Variants in XKR6 observed in about 807,000 individuals in gnomAD.
XKR6 encodes the protein XK related 6, also known as XK-related protein 6.
XKR6 carries 22 observed loss-of-function variants against 56.7 expected under a neutral mutation model. That is an observed-to-expected ratio of 0.39 (90% CI 0.28 to 0.55). The LOEUF is 0.55. XKR6 is among the 20% of genes least tolerant of loss of function. The pLI is 0.66. For missense variants in XKR6, 852 were observed against 889.0 expected (o/e 0.96, Z 0.53); for synonymous variants, 524 against 387.8 (o/e 1.35, Z -4.13).
intron 1 of XKR6, among the ~76,000 whole-genome samples, chr8:11,169,021 A>C (rs1436641810): frequency 6.6e-6 from 1 of 152,152 alleles, no homozygotes; most frequent in African/African-American, 2.4e-5. Flanking sequence ...GACTGGTCCC[A>C]GGACAAGGTC....
chr8:11,187,807 G>A (rs1803354660), intron 1 of XKR6, among the ~76,000 whole-genome samples: 1 of 152,140 alleles, frequency 6.6e-6, no homozygotes. Context: ...AGTGAAACTG[G>A]CCTGCAGAAT....
At position 11,165,090 on chromosome 8, in the gene XKR6, C is replaced by CAT. The variant is rs762270947; in HGVS notation, c.764+35485_764+35486insAT. On this transcript the variant is annotated intron_variant, in intron 1 of 2. Coordinates refer to ENST00000416569, the MANE Select transcript of XKR6 (RefSeq NM_173683.4). Reference sequence around the variant, plus strand: ...ACACAACCATTCCCTAGGCTATCACCTTTTTTTTTTTTTTTTTTTTTTTTT... The same window carrying CAT: ...ACACAACCATTCCCTAGGCTATCACCATTTTTTTTTTTTTTTTTTTTTTTTTT... Among the ~76,000 whole-genome samples the CAT allele has an allele frequency of 6.9e-4, 57 of 82,512 alleles. 1 individual carries two copies. The highest frequency in any genetic ancestry group is 2.2e-3 in the African/African-American group (42 of 19,338). 54.1% of individuals were successfully genotyped at this position (82,512 alleles called of 152,430 possible). A position where few individuals can be genotyped will look rare whatever the true frequency, so the allele number is the denominator to read the frequency against.
intron 1 of XKR6, among the ~76,000 whole-genome samples, chr8:11,044,380 G>A (rs1799356880): frequency 6.6e-6 from 1 of 152,068 alleles, no homozygotes; most frequent in South Asian, 2.1e-4. Context: ...AACCCCTTCA[G>A]CAAAAAAGTC....
intron 1 of XKR6, among the ~76,000 whole-genome samples, chr8:10,995,745 T>A (rs1331911183): frequency 1.3e-5 from 2 of 149,126 alleles, no homozygotes; most frequent in Non-Finnish European, 3.0e-5. Context: ...GAACTAGAAA[T>A]CAGGAAAGCT....
At position 11,200,749 on chromosome 8, in the gene XKR6, C is replaced by T; in HGVS notation, c.591G>A (p.Glu197=). 6.3e-7 allele frequency: 1 copy of T among 1,596,862 alleles called. No homozygotes were observed. Among genetic ancestry groups the T allele is most frequent in the Non-Finnish European group, 8.5e-7 (1 of 1,173,890 alleles). ...TGGGGGGGCCCCGGCTGGTGAGCCC[C>T]TCCACGGCGCCCAGCCCGCCGCCCG... The part of the protein sequence containing the change: ...DYTGGGLGAV[E]GLTSRGPPMM... Residue 197 remains glutamate (E), a synonymous_variant, in exon 1 of 3, where the codon GAG becomes GAA. Coordinates refer to ENST00000416569, the MANE Select transcript of XKR6 (RefSeq NM_173683.4). The surrounding 1 kb of genome is among the most constrained non-coding windows in gnomAD (Gnocchi z 6.4).
chr8:10,899,399 G>A (rs1002326784), intron 2 of XKR6, among the ~76,000 whole-genome samples: 2 of 152,218 alleles, frequency 1.3e-5, no homozygotes, highest in Admixed American at 1.3e-4. Flanking sequence ...TCTCCTCTGA[G>A]GTGCTGGAAT....
rs573341220 is a variant in XKR6, at chr8:10,984,697, T to G, written c.765-59867A>C. On this transcript the variant is annotated intron_variant, in intron 1 of 2. Coordinates refer to ENST00000416569, the MANE Select transcript of XKR6 (RefSeq NM_173683.4). ...TAACACAAAAGATAAAATACATGGCTCTCTCTCTCTCTCTCTCTCTCTCTC... is the reference window on the plus strand; with the variant it reads ...TAACACAAAAGATAAAATACATGGCGCTCTCTCTCTCTCTCTCTCTCTCTC... Among the ~76,000 whole-genome samples, 8 of 33,706 alleles carry G rather than the reference T, an allele frequency of 2.4e-4. No individual in the cohort carries two copies. The South Asian group carries it at 4.3e-3, about 18-fold the overall frequency. The allele number at this position is 33,706 out of a possible 152,430, so 22.1% of individuals were successfully genotyped here.
intron 1 of XKR6, among the ~76,000 whole-genome samples, chr8:11,047,128 G>A (rs778770771): frequency 6.6e-6 from 1 of 152,124 alleles, no homozygotes; most frequent in Non-Finnish European, 1.5e-5. Flanking sequence ...AATTTACTAA[G>A]AGAATAGATC....
chr8:10,909,253 T>C (rs1800280468), intron 2 of XKR6, among the ~76,000 whole-genome samples: 1 of 152,102 alleles, frequency 6.6e-6, no homozygotes, highest in Non-Finnish European at 1.5e-5. Context: ...GCAAAGAGGC[T>C]CTCACCAGAT....
chr8:11,185,330 T>G (rs1045571230), intron 1 of XKR6, among the ~76,000 whole-genome samples: 1 of 152,198 alleles, frequency 6.6e-6, no homozygotes, highest in African/African-American at 2.4e-5. Flanking sequence ...TACTTAAAAG[T>G]TTGGTGGTGT....
intron 2 of XKR6, among the ~76,000 whole-genome samples, chr8:10,908,067 G>A (rs141217117): frequency 6.6e-6 from 1 of 152,332 alleles, no homozygotes; most frequent in Non-Finnish European, 1.5e-5. Flanking sequence ...TGCGTGGGAG[G>A]ATGTACACGC....
At chr8:11,022,910 C>T (rs1023584477) in intron 1 of XKR6, among the ~76,000 whole-genome samples, 7 of 152,276 alleles carry the variant, frequency 4.6e-5, no homozygotes, top group South Asian at 2.1e-4. Flanking sequence ...GCAGGAGGCC[C>T]GGGGCTCTAA....
chr8:10,995,571 C>T (rs1798093091), intron 1 of XKR6, among the ~76,000 whole-genome samples: 1 of 150,324 alleles, frequency 6.7e-6, no homozygotes, highest in Non-Finnish European at 1.5e-5. Context: ...GCCTGTGGTC[C>T]CAGCTACTTG....
chr8:11,173,386 CAA>C, intron 1 of XKR6, among the ~76,000 whole-genome samples: 1 of 149,560 alleles, frequency 6.7e-6, no homozygotes, highest in African/African-American at 2.5e-5. Context: ...CACACACACA[CAA>C]ATATATATAC....
At chr8:11,173,791 C>G (rs1280056237) in intron 1 of XKR6, among the ~76,000 whole-genome samples, 1 of 152,172 alleles carries the variant, frequency 6.6e-6, no homozygotes, top group Middle Eastern at 3.2e-3. Context: ...CCACTGCCGC[C>G]TCAAGAGAAC....
Position 10,930,549 on chromosome 8 carries a change from A to G in XKR6, c.765-5719T>C, listed in dbSNP as rs146917492. The stretch of plus-strand genomic sequence containing the variant: ...ATAAACATAGATGCAAAAATCTTCA[A>G]CAAAATATTAGCAAATTAAATCCAG... On this transcript the variant is annotated intron_variant, in intron 1 of 2. Coordinates refer to ENST00000416569, the MANE Select transcript of XKR6 (RefSeq NM_173683.4). Among the ~76,000 whole-genome samples the G allele has an allele frequency of 3.0e-4, 45 of 152,378 alleles. 1 individual carries two copies. In the East Asian group the frequency reaches 7.9e-3, roughly 27 times the overall value.
chr8:10,906,739 G>A (rs1293676731), intron 2 of XKR6, among the ~76,000 whole-genome samples: 1 of 152,224 alleles, frequency 6.6e-6, no homozygotes, highest in Admixed American at 6.5e-5. Flanking sequence ...GGACCCTTAA[G>A]AAGGGTCAAA....
intron 1 of XKR6, among the ~76,000 whole-genome samples, chr8:11,112,845 C>A (rs1024125776): frequency 1.3e-5 from 2 of 152,296 alleles, no homozygotes; most frequent in South Asian, 2.1e-4. Context: ...CCTATCATTA[C>A]AGAAAGCCAC....
intron 1 of XKR6, among the ~76,000 whole-genome samples, chr8:11,182,520 G>A (rs546535899): frequency 6.6e-6 from 1 of 152,344 alleles, no homozygotes; most frequent in South Asian, 2.1e-4. Context: ...CCAGGACACT[G>A]ATAAGAGGCA....
Sources: allele counts gnomAD v4.1 joint callset (sites outside exome capture counted in the v4.1 genomes callset), GRCh38; gene constraint gnomAD v4.1.1; non-coding constraint Gnocchi (gnomAD v3.1); transcripts MANE v1.5; gene names NCBI Gene and HGNC (gene_info 2026-07-23, HGNC 2026-07-21).